Variants in PCDH15 observed in about 807,000 individuals in gnomAD.
PCDH15 encodes protocadherin related 15.
A neutral mutation model predicts 178.5 loss-of-function variants in PCDH15; 129 were observed. The observed-to-expected ratio is 0.72, with a 90% confidence interval of 0.63 to 0.84. PCDH15 has a LOEUF of 0.84. Ranked by LOEUF, PCDH15 falls within the 40% of genes least tolerant of loss-of-function variation. PCDH15 has a pLI of 0.00. For synonymous variants in PCDH15, 800 were observed against 732.0 expected, an observed-to-expected ratio of 1.09 and a Z score of -1.50; for missense variants, 2,230 against 2,099.9, an observed-to-expected ratio of 1.06 and a Z score of -1.21.
At chr10:54,402,135 A>G (rs901204839) in intron 3 of PCDH15, among the ~76,000 whole-genome samples, 2 of 151,926 alleles carry the variant, frequency 1.3e-5, no homozygotes, top group African/African-American at 4.8e-5. Flanking sequence ...GGAAAAAAAC[A>G]TAACTCAAAC....
At chr10:54,894,962 C>T (rs1954522132) in intron 3 of PCDH15, among the ~76,000 whole-genome samples, 2 of 152,148 alleles carry the variant, frequency 1.3e-5, no homozygotes, top group African/African-American at 4.8e-5. Flanking sequence ...CTCCATCACT[C>T]TTAGAAGTTC....
chr10:54,862,371 C>T (rs7078039), intron 3 of PCDH15, among the ~76,000 whole-genome samples: 117,506 of 152,176 alleles, frequency 0.77, 45,488 homozygotes, highest in East Asian at 0.9. Context: ...AATATAAAAC[C>T]TCATGTTCAT....
chr10:55,343,947 G>A (rs1018302339), intron 2 of PCDH15, among the ~76,000 whole-genome samples: 5 of 152,172 alleles, frequency 3.3e-5, no homozygotes, highest in South Asian at 4.1e-4. Context: ...GATATTTGGC[G>A]GAGGTTGCAG....
chr10:55,407,073 G>A (rs969544875), intron 2 of PCDH15, among the ~76,000 whole-genome samples: 1 of 152,132 alleles, frequency 6.6e-6, no homozygotes, highest in African/African-American at 2.4e-5. Flanking sequence ...GAACTTCAGT[G>A]AACTGGTAGC....
At chr10:55,442,484 TATA>T (rs1213612298) in intron 2 of PCDH15, among the ~76,000 whole-genome samples, 5 of 123,072 alleles carry the variant, frequency 4.1e-5, no homozygotes, top group Non-Finnish European at 6.3e-5. Context: ...ATATATATTA[TATA>T]TATATATATA....
At chr10:54,271,194 A>C (rs2132491519) in intron 8 of PCDH15, among the ~76,000 whole-genome samples, 1 of 151,782 alleles carries the variant, frequency 6.6e-6, no homozygotes, top group South Asian at 2.1e-4. Context: ...CTTTCACATA[A>C]TTATGTTCTT....
intron 1 of PCDH15, among the ~76,000 whole-genome samples, chr10:54,757,936 GC>G (rs1947378435): frequency 6.6e-6 from 1 of 152,136 alleles, no homozygotes; most frequent in Non-Finnish European, 1.5e-5. Context: ...ATACAGCCAT[GC>G]CTGAAAAACT....
At chr10:55,084,809 C>A (rs536194295) in intron 2 of PCDH15, among the ~76,000 whole-genome samples, 2 of 152,038 alleles carry the variant, frequency 1.3e-5, no homozygotes, top group Admixed American at 1.3e-4. Flanking sequence ...AAATGGCAAA[C>A]AAGCTTATGA....
At chr10:55,177,193 A>C (rs977915274) in intron 1 of PCDH15, among the ~76,000 whole-genome samples, 1 of 152,174 alleles carries the variant, frequency 6.6e-6, no homozygotes, top group African/African-American at 2.4e-5. Flanking sequence ...ATCTTCAAGC[A>C]ACTGAGGGGA....
intron 17 of PCDH15, among the ~76,000 whole-genome samples, chr10:54,072,734 T>C (rs947298704): frequency 6.6e-6 from 1 of 152,000 alleles, no homozygotes; most frequent in African/African-American, 2.4e-5. Flanking sequence ...CTCCAGAAAA[T>C]TTCCACAGGT....
At chr10:53,814,228 T>C (rs2075979010) in intron 35 of PCDH15, among the ~76,000 whole-genome samples, 1 of 152,116 alleles carries the variant, frequency 6.6e-6, no homozygotes, top group Non-Finnish European at 1.5e-5. Context: ...TACATACAGA[T>C]ACTGAGAAAA....
At chr10:55,346,019 A>T (rs72803889) in intron 2 of PCDH15, among the ~76,000 whole-genome samples, 38,082 of 151,978 alleles carry the variant, frequency 0.25, 5,832 homozygotes, top group Admixed American at 0.35. Context: ...TTCAAAAAAA[A>T]CTCTAACAAC....
intron 2 of PCDH15, among the ~76,000 whole-genome samples, chr10:55,109,383 A>C (rs2132054255): frequency 6.6e-6 from 1 of 152,348 alleles, no homozygotes; most frequent in East Asian, 1.9e-4. Context: ...ACCCTAAATT[A>C]ATTCTAAAAT....
At chr10:55,367,415 G>A (rs984623730) in intron 2 of PCDH15, among the ~76,000 whole-genome samples, 8 of 151,756 alleles carry the variant, frequency 5.3e-5, no homozygotes, top group African/African-American at 1.4e-4. Flanking sequence ...GCCCCACCTC[G>A]CCACATAATA....
chr10:54,312,824 G>T (rs2060993124), intron 8 of PCDH15, among the ~76,000 whole-genome samples: 1 of 152,098 alleles, frequency 6.6e-6, no homozygotes, highest in East Asian at 1.9e-4. Context: ...CAAATTAAAT[G>T]ATTGTAGTTT....
At chr10:54,058,550 G>A (rs566521675) in intron 18 of PCDH15, among the ~76,000 whole-genome samples, 11 of 152,216 alleles carry the variant, frequency 7.2e-5, no homozygotes, top group South Asian at 6.2e-4. Flanking sequence ...TTTCCACGAC[G>A]TGTGGGAATT....
intron 2 of PCDH15, among the ~76,000 whole-genome samples, chr10:55,007,630 T>C (rs1325425313): frequency 6.6e-6 from 1 of 152,170 alleles, no homozygotes; most frequent in African/African-American, 2.4e-5. Flanking sequence ...TTCCTTTACA[T>C]GTAAAACTCC....
chr10:55,470,451 CTTCT>C (rs764974635), intron 2 of PCDH15, among the ~76,000 whole-genome samples: 3 of 151,816 alleles, frequency 2.0e-5, no homozygotes, highest in East Asian at 1.9e-4. Flanking sequence ...TAAATTCTTC[CTTCT>C]ATTTATTTTA....
chr10:53,950,368 AAATT>A (rs1482812486), intron 23 of PCDH15, among the ~76,000 whole-genome samples: 1 of 152,128 alleles, frequency 6.6e-6, no homozygotes, highest in Non-Finnish European at 1.5e-5. Context: ...CAAATCTTAA[AAATT>A]AACATGAATG....
Sources: allele counts gnomAD v4.1 joint callset (sites outside exome capture counted in the v4.1 genomes callset), GRCh38; gene constraint gnomAD v4.1.1; transcripts MANE v1.5; gene names NCBI Gene and HGNC (gene_info 2026-07-23, HGNC 2026-07-21).